SDK1: variants seen among roughly 807,000 people sequenced by gnomAD.
SDK1 encodes sidekick cell adhesion molecule 1.
Under a neutral mutation model 245.5 loss-of-function variants are expected in SDK1, and 157 were observed. The ratio of observed to expected loss-of-function variants is 0.64; its 90% CI spans 0.56 to 0.73. The LOEUF (loss-of-function observed/expected upper bound fraction) is 0.73, where lower values mean the gene tolerates loss of function less well. Among genes scored for constraint, SDK1 ranks in the 30% least tolerant of loss-of-function variants. SDK1 has a pLI of 0.00. For synonymous variants in SDK1, 1,647 were observed against 1,278.5 expected, an observed-to-expected ratio of 1.29 and a Z score of -6.15; for missense variants, 3,583 against 3,002.3, an observed-to-expected ratio of 1.19 and a Z score of -4.52.
intron 1 of SDK1, among the ~76,000 whole-genome samples, chr7:3,514,505 C>G (rs1428696857): frequency 6.6e-6 from 1 of 152,134 alleles, no homozygotes; most frequent in Non-Finnish European, 1.5e-5. Context: ...TTGGCGGTCC[C>G]ACAGCCATTA....
chr7:3,320,149 A>G (rs1191729704), intron 1 of SDK1, among the ~76,000 whole-genome samples: 2 of 150,438 alleles, frequency 1.3e-5, no homozygotes, highest in Middle Eastern at 3.2e-3. Flanking sequence ...TCACACACGC[A>G]CTCCCCTCTC....
intron 2 of SDK1, among the ~76,000 whole-genome samples, chr7:3,634,307 G>C (rs1782390720): frequency 6.6e-6 from 1 of 152,182 alleles, no homozygotes; most frequent in Admixed American, 6.5e-5. Context: ...ACCCGATGCT[G>C]CCTCATAAAG....
At chr7:3,693,914 C>T (rs2114998955) in intron 4 of SDK1, among the ~76,000 whole-genome samples, 1 of 152,306 alleles carries the variant, frequency 6.6e-6, no homozygotes, top group South Asian at 2.1e-4. Flanking sequence ...CTGACCTCTG[C>T]CCCAGGACTG....
Position 4,268,859 on chromosome 7 carries a change from G to C in SDK1, c.*3475G>C. The C allele has an allele frequency of 7.7e-6, 5 of 651,898 alleles. No homozygotes were observed. Among genetic ancestry groups the C allele is most frequent in the Non-Finnish European group, 1.3e-5 (5 of 399,476 alleles). The allele number at this position is 651,898 out of a possible 1,614,324, so 40.4% of individuals were successfully genotyped here. On this transcript the variant is annotated 3_prime_UTR_variant, in exon 45 of 45. Coordinates refer to ENST00000404826, the MANE Select transcript of SDK1 (RefSeq NM_152744.4). ...ACCTTCTGGTTTAGGGAGCCGTCAG[G>C]TCCCTAAACGTTCCCTACAACTTTT... is the stretch of plus-strand genomic sequence containing the variant.
rs181475326 is a variant in SDK1, at chr7:4,095,595, C to T, written c.3325-15068C>T. ...TTTATTTATTTATTTTTTTCCGAGACGGAGTCTCGCTCTGTCTCACAGGCT... is the reference window on the plus strand; with the variant it reads ...TTTATTTATTTATTTTTTTCCGAGATGGAGTCTCGCTCTGTCTCACAGGCT... On this transcript the variant is annotated intron_variant, in intron 22 of 44. Transcript: ENST00000404826. 1.7e-3 allele frequency among the ~76,000 whole-genome samples: 258 copies of T among 151,972 alleles called. 2 individuals carry two copies. The highest frequency in any genetic ancestry group is 5.6e-3 in the African/African-American group (233 of 41,440).
At chr7:4,228,581 C>T (rs934934303) in intron 40 of SDK1, among the ~76,000 whole-genome samples, 5 of 152,194 alleles carry the variant, frequency 3.3e-5, no homozygotes, top group African/African-American at 1.2e-4. Flanking sequence ...ACTCTGTTGC[C>T]CAGGCTGGAG....
intron 1 of SDK1, among the ~76,000 whole-genome samples, chr7:3,439,680 C>T (rs1002592683): frequency 6.6e-6 from 1 of 152,188 alleles, no homozygotes; most frequent in Non-Finnish European, 1.5e-5. Flanking sequence ...TGATCTGATG[C>T]ACTTTTGGAT....
intron 5 of SDK1, among the ~76,000 whole-genome samples, chr7:3,896,549 C>G (rs897047910): frequency 3.3e-5 from 5 of 152,230 alleles, no homozygotes; most frequent in African/African-American, 9.6e-5. Flanking sequence ...ACTCTAAACT[C>G]TGGCTTGTTA....
chr7:3,669,858 C>T (rs952387191), intron 4 of SDK1, among the ~76,000 whole-genome samples: 1 of 152,166 alleles, frequency 6.6e-6, no homozygotes, highest in African/African-American at 2.4e-5. Flanking sequence ...GAAAACAGAA[C>T]TCTTTTTTCT....
intron 35 of SDK1, among the ~76,000 whole-genome samples, chr7:4,192,369 G>A (rs1356920901): frequency 1.3e-5 from 2 of 152,114 alleles, no homozygotes; most frequent in East Asian, 1.9e-4. Context: ...TCCGCCTCCC[G>A]GGTTCACACC....
chr7:3,960,979 C>T (rs1446127099), intron 8 of SDK1, among the ~76,000 whole-genome samples: 1 of 152,190 alleles, frequency 6.6e-6, no homozygotes, highest in East Asian at 1.9e-4. Flanking sequence ...TAGAAATACT[C>T]CCAGTTCCCT....
intron 4 of SDK1, among the ~76,000 whole-genome samples, chr7:3,739,267 T>C (rs1779409137): frequency 6.6e-6 from 1 of 152,234 alleles, no homozygotes; most frequent in Non-Finnish European, 1.5e-5. Context: ...AGCTGGGTGT[T>C]GATATCTTTG....
rs143693440 is a variant in SDK1, at chr7:3,737,947, C to T, written c.714-83503C>T. Among the ~76,000 whole-genome samples the T allele has an allele frequency of 3.3e-5, 5 of 152,346 alleles. No individual in the cohort carries two copies. In the East Asian group the frequency reaches 7.7e-4, roughly 24 times the overall value. ...TGAAACTTTTCTTGGTTTCTGTGGT[C>T]CAAGGGGTTGGTTCTGCCTCATCCC... is the stretch of plus-strand genomic sequence containing the variant. On this transcript the variant is annotated intron_variant, in intron 4 of 44. Transcript: ENST00000404826.
At chr7:3,733,604 G>C (rs1421223409) in intron 4 of SDK1, among the ~76,000 whole-genome samples, 1 of 152,088 alleles carries the variant, frequency 6.6e-6, no homozygotes, top group Non-Finnish European at 1.5e-5. Flanking sequence ...TCTAGCCCGC[G>C]AGTTCCAAAA....
At chr7:3,472,483 A>G (rs1337466931) in intron 1 of SDK1, among the ~76,000 whole-genome samples, 1 of 152,208 alleles carries the variant, frequency 6.6e-6, no homozygotes, top group Non-Finnish European at 1.5e-5. Flanking sequence ...TGGTGAAGAT[A>G]ATGTGTTAAG....
chr7:3,448,912 G>A (rs1259748758), intron 1 of SDK1, among the ~76,000 whole-genome samples: 2 of 152,042 alleles, frequency 1.3e-5, no homozygotes, highest in Non-Finnish European at 2.9e-5. Flanking sequence ...CTAAAATTGC[G>A]AGCACAGGAA....
At chr7:4,011,486 A>G (rs763196654) in intron 15 of SDK1, among the ~76,000 whole-genome samples, 6 of 152,158 alleles carry the variant, frequency 3.9e-5, no homozygotes, top group African/African-American at 7.2e-5. Context: ...TAGCAAGTCA[A>G]CACCTAGCAT....
chr7:3,967,780 C>A lies in SDK1; in HGVS notation c.1546+346C>A, dbSNP rs148249755. ...GAATCTAATGCTGCTGCCGAGCTGA[C>A]AGGAGGGGGAGCTCAGGCAGTCATG... is the stretch of plus-strand genomic sequence containing the variant. On this transcript the variant is annotated intron_variant, in intron 10 of 44. Coordinates refer to ENST00000404826, the MANE Select transcript of SDK1 (RefSeq NM_152744.4). Among the ~76,000 whole-genome samples the A allele has an allele frequency of 5.0e-3, 761 of 152,290 alleles. 2 individuals carry two copies. Among genetic ancestry groups the A allele is most frequent in the East Asian group, 0.01 (53 of 5,174 alleles).
chr7:3,407,530 G>A (rs956367206), intron 1 of SDK1, among the ~76,000 whole-genome samples: 1 of 152,126 alleles, frequency 6.6e-6, no homozygotes, highest in Admixed American at 6.5e-5. Flanking sequence ...ACATAGTGGC[G>A]GGATACTTAC....
Sources: gnomAD v4.1 joint callset for allele counts (sites outside exome capture counted in the v4.1 genomes callset) on GRCh38, gnomAD v4.1.1 for gene constraint, MANE v1.5 for transcripts, NCBI Gene and HGNC (gene_info 2026-07-23, HGNC 2026-07-21) for gene names.